Variants in ERBB4 observed in about 807,000 individuals in gnomAD.
ERBB4 encodes erb-b2 receptor tyrosine kinase 4.
A neutral mutation model predicts 158.0 loss-of-function variants in ERBB4; 42 were observed. The ratio of observed to expected loss-of-function variants is 0.27; its 90% CI spans 0.21 to 0.34. The LOEUF (loss-of-function observed/expected upper bound fraction) is 0.34, where lower values mean the gene tolerates loss of function less well. ERBB4 is among the 10% of genes least tolerant of loss of function. The pLI, the probability that ERBB4 is intolerant of heterozygous loss-of-function variation, is 1.00. For synonymous variants in ERBB4, 583 were observed against 558.7 expected, an observed-to-expected ratio of 1.04 and a Z score of -0.61; for missense variants, 1,333 against 1,624.1, an observed-to-expected ratio of 0.82 and a Z score of 3.08.
intron 20 of ERBB4, among the ~76,000 whole-genome samples, chr2:211,450,217 A>G (rs1037895795): frequency 3.9e-5 from 6 of 152,146 alleles, no homozygotes; most frequent in Non-Finnish European, 8.8e-5. Flanking sequence ...AGAAATAACA[A>G]GACAGAGAAC....
At chr2:211,842,448 G>A (rs1313715185) in intron 3 of ERBB4, among the ~76,000 whole-genome samples, 4 of 129,254 alleles carry the variant, frequency 3.1e-5, no homozygotes, top group African/African-American at 1.0e-4. Flanking sequence ...TCTGGAAAAT[G>A]TATTTTCAAG....
In ERBB4 at chr2:211,580,878, TA is replaced by T. The variant is rs2068075919; in HGVS notation, c.2302-18791del. 9.6e-4 allele frequency among the ~76,000 whole-genome samples: 2 copies of T among 2,078 alleles called. 1 individual carries two copies. Among genetic ancestry groups the T allele is most frequent in the African/African-American group, 2.9e-3 (2 of 692 alleles). The allele number at this position is 2,078 out of a possible 152,430, so 1.4% of individuals were successfully genotyped here. ...TAGTATGCATATACATATATATATA[TA>T]TATATATATATATATATATATATAT... On this transcript the variant is annotated intron_variant, in intron 19 of 27. Coordinates refer to ENST00000342788, the MANE Select transcript of ERBB4 (RefSeq NM_005235.3).
intron 20 of ERBB4, among the ~76,000 whole-genome samples, chr2:211,555,725 G>T (rs755717392): frequency 6.6e-6 from 1 of 152,126 alleles, no homozygotes; most frequent in Admixed American, 6.6e-5. Flanking sequence ...GGGAAACTAA[G>T]CTTCATAAGC....
At chr2:212,497,701 A>G (rs1341057811) in intron 1 of ERBB4, among the ~76,000 whole-genome samples, 2 of 152,150 alleles carry the variant, frequency 1.3e-5, no homozygotes, top group South Asian at 2.1e-4. Context: ...CAATTAGTCA[A>G]ATAAATGACT....
chr2:212,238,274 G>A (rs961015242), intron 1 of ERBB4, among the ~76,000 whole-genome samples: 28 of 152,138 alleles, frequency 1.8e-4, no homozygotes, highest in Admixed American at 1.4e-3. Flanking sequence ...CATTTGGGCC[G>A]GAATGCACCA....
chr2:212,476,110 A>G (rs1328278302), intron 1 of ERBB4, among the ~76,000 whole-genome samples: 3 of 151,092 alleles, frequency 2.0e-5, no homozygotes, highest in Non-Finnish European at 4.4e-5. Context: ...AACATGCCAC[A>G]TCCCCACCAA....
chr2:212,136,284 T>C (rs183489916), intron 1 of ERBB4, among the ~76,000 whole-genome samples: 1 of 152,324 alleles, frequency 6.6e-6, no homozygotes, highest in East Asian at 1.9e-4. Context: ...CTTGCATTGG[T>C]TTCAGAGTGA....
At chr2:211,845,058 G>T (rs1310411432) in intron 3 of ERBB4, among the ~76,000 whole-genome samples, 1 of 152,066 alleles carries the variant, frequency 6.6e-6, no homozygotes, top group Non-Finnish European at 1.5e-5. Context: ...AGGAAGCATG[G>T]TCAGTATTGT....
At chr2:211,646,167 G>A (rs992163665) in intron 16 of ERBB4, among the ~76,000 whole-genome samples, 7 of 151,380 alleles carry the variant, frequency 4.6e-5, no homozygotes, top group Middle Eastern at 3.4e-3. Context: ...CCTTATTATC[G>A]TATATATGTA....
At chr2:212,204,700 C>CAAA (rs112354649) in intron 1 of ERBB4, among the ~76,000 whole-genome samples, 1 of 94,112 alleles carries the variant, frequency 1.1e-5, no homozygotes, top group African/African-American at 4.1e-5. Flanking sequence ...CTGTCCCCCA[C>CAAA]AAAAAAAACA....
intron 1 of ERBB4, among the ~76,000 whole-genome samples, chr2:212,239,256 T>C (rs954813776): frequency 1.3e-5 from 2 of 152,166 alleles, no homozygotes; most frequent in Non-Finnish European, 1.5e-5. Context: ...TTGCCCAGGC[T>C]GGTCTCAAAC....
chr2:211,600,632 GACTA>G (rs1379337154), intron 19 of ERBB4, among the ~76,000 whole-genome samples: 1 of 152,166 alleles, frequency 6.6e-6, no homozygotes, highest in Non-Finnish European at 1.5e-5. Flanking sequence ...TGTACCAGGT[GACTA>G]ACTCCATTCT....
At chr2:212,469,568 T>C (rs1007048072) in intron 1 of ERBB4, among the ~76,000 whole-genome samples, 3 of 152,200 alleles carry the variant, frequency 2.0e-5, no homozygotes, top group Non-Finnish European at 1.5e-5. Context: ...TCCAACAGTA[T>C]GCTTAGCACC....
chr2:212,214,191 T>C (rs577954613), intron 1 of ERBB4, among the ~76,000 whole-genome samples: 4 of 151,986 alleles, frequency 2.6e-5, no homozygotes, highest in South Asian at 4.1e-4. Flanking sequence ...AGCTACTTAA[T>C]AGAATGATTC....
intron 3 of ERBB4, among the ~76,000 whole-genome samples, chr2:211,842,536 T>A (rs1489749610): frequency 6.6e-6 from 1 of 150,966 alleles, no homozygotes; most frequent in Non-Finnish European, 1.5e-5. Flanking sequence ...AAACATAATG[T>A]GTACAACATA....
intron 2 of ERBB4, among the ~76,000 whole-genome samples, chr2:211,990,055 TAGAC>T (rs932721294): frequency 6.7e-5 from 10 of 149,802 alleles, no homozygotes; most frequent in Admixed American, 2.7e-4. Flanking sequence ...AAAAAAAAAA[TAGAC>T]AGAATATTGA....
chr2:211,965,202 T>C (rs2081279884), intron 2 of ERBB4, among the ~76,000 whole-genome samples: 1 of 152,180 alleles, frequency 6.6e-6, no homozygotes, highest in Non-Finnish European at 1.5e-5. Context: ...GCTTCAAGGG[T>C]AATACTGAAA....
intron 16 of ERBB4, among the ~76,000 whole-genome samples, chr2:211,635,008 A>G (rs2070305686): frequency 6.6e-6 from 1 of 152,150 alleles, no homozygotes; most frequent in African/African-American, 2.4e-5. Context: ...AGCGGAAGCG[A>G]TAAGAGGCTC....
intron 1 of ERBB4, among the ~76,000 whole-genome samples, chr2:212,305,247 T>C (rs2086768690): frequency 6.6e-6 from 1 of 151,284 alleles, no homozygotes; most frequent in Non-Finnish European, 1.5e-5. Flanking sequence ...ACTCCCAAAA[T>C]AAAGAAAAAC....
Sources: allele counts gnomAD v4.1 joint callset (sites outside exome capture counted in the v4.1 genomes callset), GRCh38; gene constraint gnomAD v4.1.1; transcripts MANE v1.5; gene names NCBI Gene and HGNC (gene_info 2026-07-23, HGNC 2026-07-21).